G6PC1: variants seen among roughly 807,000 people sequenced by gnomAD.
The protein encoded by G6PC1 is G-6-Pase.
In G6PC1, 23 loss-of-function variants were observed where a neutral mutation model predicts 30.4. The observed-to-expected ratio is 0.76, with a 90% CI of 0.55 to 1.07. The LOEUF is 1.07. Among genes scored for constraint, G6PC1 ranks in the 50% least tolerant of loss-of-function variants. The pLI is 0.00. For missense variants in G6PC1, 391 were observed against 433.9 expected (o/e 0.90, Z 0.88); for synonymous variants, 163 against 175.6 (o/e 0.93, Z 0.57).
chr17:42,901,499 C>T (rs939670441), intron 1 of G6PC1, among the ~76,000 whole-genome samples: 1 of 152,088 alleles, frequency 6.6e-6, no homozygotes, highest in East Asian at 1.9e-4. Context: ...GGGCGAATCA[C>T]TCCTGGGTGA....
intron 1 of G6PC1, among the ~76,000 whole-genome samples, chr17:42,903,167 C>T (rs1344477934): frequency 2.0e-5 from 3 of 151,120 alleles, no homozygotes; most frequent in Non-Finnish European, 4.4e-5. Context: ...CGGCAACCTC[C>T]GCCTCCCAGG....
chr17:42,908,834 G>A (rs993560713), intron 3 of G6PC1, among the ~76,000 whole-genome samples: 3 of 150,712 alleles, frequency 2.0e-5, no homozygotes, highest in African/African-American at 7.4e-5. Flanking sequence ...CTCTCAAATA[G>A]CTGGGATTAC....
At chr17:42,902,609 A>C (rs968667690) in intron 1 of G6PC1, among the ~76,000 whole-genome samples, 1 of 152,176 alleles carries the variant, frequency 6.6e-6, no homozygotes, top group Non-Finnish European at 1.5e-5. Flanking sequence ...TCCATTGAAG[A>C]ACCATGCAAT....
At chr17:42,909,488 A>T in intron 4 of G6PC1, 70 bp downstream of exon 4, 1 of 1,126,090 alleles carries the variant, frequency 8.9e-7, no homozygotes, top group Admixed American at 1.7e-5. Flanking sequence ...ATCAGGACAA[A>T]ATCCCAGCAT....
intron 1 of G6PC1, among the ~76,000 whole-genome samples, chr17:42,903,321 T>A (rs1220945466): frequency 6.6e-6 from 1 of 151,918 alleles, no homozygotes; most frequent in African/African-American, 2.4e-5. Context: ...TGACCTCATG[T>A]GATCTGCCTG....
chr17:42,905,208 T>G (rs1294799148), intron 2 of G6PC1, among the ~76,000 whole-genome samples: 3 of 151,816 alleles, frequency 2.0e-5, no homozygotes, highest in Non-Finnish European at 4.4e-5. Flanking sequence ...GTGGATCACC[T>G]GAGGTGAGGA....
intron 2 of G6PC1, among the ~76,000 whole-genome samples, chr17:42,904,847 C>T (rs917535508): frequency 6.6e-6 from 1 of 152,206 alleles, no homozygotes; most frequent in Admixed American, 6.5e-5. Flanking sequence ...TGTGGTTGCT[C>T]ATGCCTGTAA....
chr17:42,908,969 A>G (rs1470072222), intron 3 of G6PC1, among the ~76,000 whole-genome samples: 1 of 151,744 alleles, frequency 6.6e-6, no homozygotes, highest in African/African-American at 2.4e-5. Context: ...CGGCCTCCCA[A>G]AGTGCTGGGA....
Position 42,901,068 on chromosome 17 carries a change from A to T in G6PC1, c.192A>T (p.Val64=). 6.2e-7 allele frequency: 1 copy of T among 1,614,202 alleles called. No homozygotes were observed. Among genetic ancestry groups the T allele is most frequent in the Non-Finnish European group, 8.5e-7 (1 of 1,180,030 alleles). The change falls in exon 1 of 5, where the codon GTA becomes GTT. Residue 64 remains valine, a synonymous_variant. Transcript: ENST00000253801. ...CTGTGGGCATTAAACTCCTTTGGGT[A>T]GCTGTGATTGGAGACTGGCTCAACC... ...QEAVGIKLLW[V]AVIGDWLNLV...
chr17:42,904,912 A>G (rs2667938), intron 2 of G6PC1, among the ~76,000 whole-genome samples: 31,815 of 151,424 alleles, frequency 0.21, 4,665 homozygotes, highest in African/African-American at 0.41. Flanking sequence ...AGGAGTTCAA[A>G]ACCAGCCTGG....
At position 42,911,075 on chromosome 17, in the gene G6PC1, C is replaced by T. The variant is rs762967975; in HGVS notation, c.723C>T (p.Ala241=). The T allele has an allele frequency of 6.8e-6, 11 of 1,612,538 alleles. No individual in the cohort carries two copies. The Admixed American group carries it at 1.2e-4, about 17-fold the overall frequency. The change falls in exon 5 of 5, where the codon GCC becomes GCT. Residue 241 remains alanine (A), a synonymous_variant. Coordinates refer to ENST00000253801, the MANE Select transcript of G6PC1 (RefSeq NM_000151.4). The stretch of plus-strand genomic sequence containing the variant: ...ACCTCCTGTGGACTCTGGAGAAAGC[C>T]CAGAGGTGGTGCGAGCAGCCAGAAT... ...GVDLLWTLEK[A]QRWCEQPEWV...
intron 1 of G6PC1, among the ~76,000 whole-genome samples, chr17:42,902,011 A>G (rs1425981636): frequency 6.6e-6 from 1 of 152,234 alleles, no homozygotes; most frequent in East Asian, 1.9e-4. Context: ...TTACAGAAAC[A>G]GTAGATGCAG....
At chr17:42,906,898 A>G (rs1473074195) in intron 2 of G6PC1, among the ~76,000 whole-genome samples, 1 of 151,938 alleles carries the variant, frequency 6.6e-6, no homozygotes, top group East Asian at 1.9e-4. Flanking sequence ...CAAAAAACAA[A>G]CAAATAAAAA....
chr17:42,909,210 AAG>A, intron 3 of G6PC1, 91 bp from the exon 4 acceptor site: 1 of 946,794 alleles, frequency 1.1e-6, no homozygotes, highest in Non-Finnish European at 1.7e-6. Flanking sequence ...GAGAGCACCT[AAG>A]TTTGCCAGGC....
In G6PC1 at chr17:42,911,316, T is replaced by G. The variant is rs1567706564; in HGVS notation, c.964T>G (p.Phe322Val). The G allele has an allele frequency of 6.2e-7, 1 of 1,614,212 alleles. No homozygotes were observed. Among genetic ancestry groups the G allele is most frequent in the East Asian group, 2.2e-5 (1 of 44,884 alleles). ...LKPPSQVELV[F>V]YVLSFCKSAV... ...ACCCCCATCCCAAGTCGAGCTGGTC[T>G]TCTACGTCTTGTCCTTCTGCAAGAG... Residue 322 changes from phenylalanine to valine, a missense_variant, in exon 5 of 5, where the codon TTC (phenylalanine) becomes GTC (valine). Physicochemically the swap from Phe to Val is conservative, Grantham distance 50. Coordinates refer to ENST00000253801, the MANE Select transcript of G6PC1 (RefSeq NM_000151.4).
At position 42,911,299 on chromosome 17, in the gene G6PC1, C is replaced by G; in HGVS notation, c.947C>G (p.Ser316Cys). ...LHVFDSLKPP[S>C]QVELVFYVLS... ...GTCTTTGACTCCTTGAAACCCCCAT[C>G]CCAAGTCGAGCTGGTCTTCTACGTC... is the stretch of plus-strand genomic sequence containing the variant. Residue 316 changes from serine to cysteine, a missense_variant, in exon 5 of 5, where the codon TCC (serine) becomes TGC (cysteine). Physicochemically the swap from Ser to Cys is moderately radical, Grantham distance 112. Coordinates refer to ENST00000253801, the MANE Select transcript of G6PC1 (RefSeq NM_000151.4). The G allele has an allele frequency of 1.2e-6, 2 of 1,614,230 alleles. No homozygotes were observed. The highest frequency in any genetic ancestry group is 1.7e-6 in the Non-Finnish European group (2 of 1,180,042).
intron 2 of G6PC1, among the ~76,000 whole-genome samples, chr17:42,906,970 G>A (rs903413696): frequency 2.0e-5 from 3 of 152,154 alleles, no homozygotes; most frequent in Admixed American, 1.3e-4. Context: ...CTGAGAATAT[G>A]AGATCTGAGT....
chr17:42,910,589 C>G (rs56011240), intron 4 of G6PC1, among the ~76,000 whole-genome samples: 1 of 152,094 alleles, frequency 6.6e-6, no homozygotes, highest in South Asian at 2.1e-4. Flanking sequence ...CAATCAATTC[C>G]GTTCAAAGAT....
intron 2 of G6PC1, 74 bp from the exon 3 acceptor site, chr17:42,907,449 G>A: frequency 1.0e-6 from 1 of 980,840 alleles, no homozygotes; most frequent in Middle Eastern, 2.8e-4. Context: ...TGGCTGGGTG[G>A]CTGGGTAGAT....
Sources: allele counts gnomAD v4.1 joint callset (sites outside exome capture counted in the v4.1 genomes callset), GRCh38; gene constraint gnomAD v4.1.1; transcripts MANE v1.5; gene names NCBI Gene and HGNC (gene_info 2026-07-23, HGNC 2026-07-21).